Variants in CPLANE1 observed in about 807,000 individuals in gnomAD.
CPLANE1 encodes the protein ciliogenesis and planar polarity effector complex subunit 1.
CPLANE1 carries 263 observed loss-of-function variants against 362.5 expected under a neutral mutation model. The observed-to-expected ratio is 0.73, with a 90% CI of 0.66 to 0.80. The LOEUF (loss-of-function observed/expected upper bound fraction) is 0.80. CPLANE1 is among the 30% of genes least tolerant of loss of function. The probability of loss-of-function intolerance (pLI) is 0.00; values close to 1 mark genes in which losing one functional copy is unlikely to be tolerated. For missense variants in CPLANE1, 3,461 were observed against 3,793.4 expected, an observed-to-expected ratio of 0.91 and a Z score of 2.30; for synonymous variants, 1,212 against 1,302.6, an observed-to-expected ratio of 0.93 and a Z score of 1.50.
chr5:37,215,797 A>G (rs1186304896), intron 15 of CPLANE1, among the ~76,000 whole-genome samples: 3 of 139,204 alleles, frequency 2.2e-5, no homozygotes, highest in Admixed American at 1.5e-4. Flanking sequence ...CTACAAAAAT[A>G]ATCTAAAAAG....
At chr5:37,088,504 A>C in the CPLANE1 span, among the ~76,000 whole-genome samples, 1 of 152,348 alleles carries the variant, frequency 6.6e-6, no homozygotes, top group East Asian at 1.9e-4. Context: ...TCAGGGAAAG[A>C]ACCCTCTTCT....
intron 37 of CPLANE1, 64 bp downstream of exon 37, chr5:37,164,209 A>T (rs549615623): frequency 1.3e-5 from 16 of 1,255,716 alleles, no homozygotes; most frequent in Admixed American, 3.5e-5. Context: ...CATATTGTAC[A>T]TATTTCTAGA....
chr5:37,175,458 T>C (rs1466758196), intron 31 of CPLANE1, among the ~76,000 whole-genome samples: 1 of 152,212 alleles, frequency 6.6e-6, no homozygotes, highest in Non-Finnish European at 1.5e-5. Flanking sequence ...CGATTCTAAC[T>C]ATGAAAATTT....
chr5:37,224,181 C>G, intron 14 of CPLANE1, 72 bp downstream of exon 14: 6 of 973,890 alleles, frequency 6.2e-6, no homozygotes, highest in Non-Finnish European at 9.2e-6. Flanking sequence ...TTTAGAATTA[C>G]TGTTAAGGTC....
chr5:37,139,813 G>A (rs1769110733), intron 44 of CPLANE1: 3 of 978,936 alleles, frequency 3.1e-6, no homozygotes. Context: ...GCCTCCCAAA[G>A]TGCTTGGATT....
chr5:37,227,096 T>C (rs995676804), intron 11 of CPLANE1, 23 bp from the exon 12 acceptor site: 15 of 1,526,384 alleles, frequency 9.8e-6, no homozygotes, highest in Admixed American at 2.1e-5. Flanking sequence ...GGGAAAAAAA[T>C]GATACTTAAT....
rs376317336 is a variant in CPLANE1, at chr5:37,121,943, G to C, written c.9018-159C>G. Among the ~76,000 whole-genome samples the C allele has an allele frequency of 4.6e-5, 7 of 150,902 alleles. No individual in the cohort carries two copies. The East Asian group carries it at 1.4e-3, about 29-fold the overall frequency. On this transcript the variant is annotated intron_variant, in intron 48 of 52. Transcript: ENST00000651892. Reference sequence around the variant, plus strand: ...CACCCAGGCTGGATTGCAATGGCGTGATCTCGGCTCACTGCAACCTCCGCC... The same window carrying C: ...CACCCAGGCTGGATTGCAATGGCGTCATCTCGGCTCACTGCAACCTCCGCC...
intron 6 of CPLANE1, among the ~76,000 whole-genome samples, chr5:37,240,751 G>A (rs1326132150): frequency 6.6e-6 from 1 of 152,176 alleles, no homozygotes; most frequent in Admixed American, 6.5e-5. Flanking sequence ...TCAGAAGTCT[G>A]TGCACAAAAG....
chr5:37,177,750 A>T, intron 29 of CPLANE1, 50 bp from the exon 30 acceptor site: 2 of 1,382,546 alleles, frequency 1.4e-6, no homozygotes, highest in Non-Finnish European at 2.0e-6. Context: ...ACAAATAGGT[A>T]TTACTGTCTT....
chr5:37,175,592 C>T (rs981632438), intron 31 of CPLANE1, among the ~76,000 whole-genome samples: 5 of 152,160 alleles, frequency 3.3e-5, no homozygotes, highest in African/African-American at 7.2e-5. Context: ...TCAAACACTA[C>T]AAGAAATCAG....
intron 9 of CPLANE1, among the ~76,000 whole-genome samples, chr5:37,230,507 A>C (rs1797509723): frequency 6.6e-6 from 1 of 152,138 alleles, no homozygotes; most frequent in Admixed American, 6.5e-5. Context: ...TTTGGGAAAA[A>C]AGTAGATAAA....
At chr5:37,240,084 G>A (rs1800000738) in intron 6 of CPLANE1, among the ~76,000 whole-genome samples, 2 of 152,154 alleles carry the variant, frequency 1.3e-5, no homozygotes, top group African/African-American at 4.8e-5. Context: ...GGGCACGGTA[G>A]CTCACACCTG....
chr5:37,188,707 C>T (rs1464998613), intron 21 of CPLANE1, among the ~76,000 whole-genome samples: 9 of 152,212 alleles, frequency 5.9e-5, no homozygotes, highest in Admixed American at 5.9e-4. Context: ...ATGAAAAAGA[C>T]ACTTGCACAC....
intron 15 of CPLANE1, among the ~76,000 whole-genome samples, chr5:37,216,899 T>A (rs1284380837): frequency 1.3e-5 from 2 of 152,218 alleles, no homozygotes; most frequent in Non-Finnish European, 2.9e-5. Flanking sequence ...TCTTGTTCAC[T>A]GTATGTCCCA....
At position 37,185,628 on chromosome 5, in the gene CPLANE1, A is replaced by G. The variant is rs1302609468; in HGVS notation, c.4190-549T>C. Among the ~76,000 whole-genome samples the G allele has an allele frequency of 2.0e-5, 3 of 152,298 alleles. No homozygotes were observed. In the East Asian group the frequency reaches 5.8e-4, roughly 29 times the overall value. On this transcript the variant is annotated intron_variant, in intron 24 of 52. Transcript: ENST00000651892. ...AAAAGTATTAAGAAAAATACAAATC[A>G]CAAATACAATATATTAATAGAATAA...
chr5:37,187,966 A>G, intron 21 of CPLANE1, 124 bp from the exon 22 acceptor site: 1 of 539,536 alleles, frequency 1.9e-6, no homozygotes, highest in South Asian at 4.4e-5. Context: ...TTATAAAATG[A>G]ACACATGCTC....
chr5:37,102,677 T>C (rs935471056), downstream of CPLANE1, among the ~76,000 whole-genome samples: 2 of 152,214 alleles, frequency 1.3e-5, no homozygotes, highest in African/African-American at 4.8e-5. Context: ...TCAGGAGTCA[T>C]TCAGGAGCAG....
At position 37,151,586 on chromosome 5, in the gene CPLANE1, G is replaced by A. The variant is rs182187822; in HGVS notation, c.8373+2154C>T. Among the ~76,000 whole-genome samples the A allele has an allele frequency of 3.9e-5, 6 of 152,322 alleles. No homozygotes were observed. In the East Asian group the frequency reaches 5.8e-4, roughly 15 times the overall value. On this transcript the variant is annotated intron_variant, in intron 42 of 52. Transcript: ENST00000651892. Reference sequence around the variant, plus strand: ...AACTCCTGTGAGAGTGAGCAAGCCAGGATCAAGACTAGATTCGGGTATAAA... The same window carrying A: ...AACTCCTGTGAGAGTGAGCAAGCCAAGATCAAGACTAGATTCGGGTATAAA...
intron 35 of CPLANE1, among the ~76,000 whole-genome samples, chr5:37,166,421 T>A (rs987828348): frequency 6.6e-6 from 1 of 152,200 alleles, no homozygotes; most frequent in African/African-American, 2.4e-5. Context: ...GGTTTCACTT[T>A]CCAAGGTTTC....
Sources: allele counts gnomAD v4.1 joint callset (sites outside exome capture counted in the v4.1 genomes callset), GRCh38; gene constraint gnomAD v4.1.1; transcripts MANE v1.5; gene names NCBI Gene and HGNC (gene_info 2026-07-23, HGNC 2026-07-21).